TTC7A: variants seen among roughly 807,000 people sequenced by gnomAD.
The protein encoded by TTC7A is tetratricopeptide repeat domain 7A, also known as tetratricopeptide repeat protein 7A.
Under a neutral mutation model 103.7 loss-of-function variants are expected in TTC7A, and 110 were observed. The observed-to-expected ratio is 1.06, with a 90% CI of 0.91 to 1.24. The LOEUF (loss-of-function observed/expected upper bound fraction) is 1.24, where lower values mean the gene tolerates loss of function less well. TTC7A is among the 50% of genes most tolerant of loss of function. The pLI, the probability that TTC7A is intolerant of heterozygous loss-of-function variation, is 0.00. For synonymous variants in TTC7A, 521 were observed against 467.9 expected, an observed-to-expected ratio of 1.11 and a Z score of -1.47; for missense variants, 1,340 against 1,116.3, an observed-to-expected ratio of 1.20 and a Z score of -2.86.
At chr2:47,049,692 A>G (rs777792831) in intron 16 of TTC7A, among the ~76,000 whole-genome samples, 1 of 151,964 alleles carries the variant, frequency 6.6e-6, no homozygotes, top group Non-Finnish European at 1.5e-5. Context: ...ACTTCAGAGA[A>G]GATAGTAGGG....
intron 14 of TTC7A, among the ~76,000 whole-genome samples, chr2:47,027,198 T>C (rs535936700): frequency 6.6e-6 from 1 of 152,282 alleles, no homozygotes; most frequent in African/African-American, 2.4e-5. Context: ...GGGAGAGGAT[T>C]CCCTGCATCC....
intron 11 of TTC7A, among the ~76,000 whole-genome samples, chr2:47,018,868 A>G (rs1039380807): frequency 5.9e-5 from 9 of 152,158 alleles, no homozygotes; most frequent in African/African-American, 2.2e-4. Flanking sequence ...GACTTGCCCA[A>G]GGTTAGCAAG....
chr2:47,056,765 A>T lies in TTC7A; in HGVS notation c.2153-4004A>T, dbSNP rs552883486. ...AAGAGGAGGAAAACCGGAGACAGAC[A>T]AGCAAGAGAAGAGGTCAGGGGGTAG... On this transcript the variant is annotated intron_variant, in intron 18 of 19. Transcript: ENST00000319190. Among the ~76,000 whole-genome samples, 3 of 152,308 alleles carry T rather than the reference A, an allele frequency of 2.0e-5. No individual in the cohort carries two copies. The East Asian group carries it at 5.8e-4, about 29-fold the overall frequency.
At chr2:47,063,181 G>C (rs1014680083) in intron 19 of TTC7A, among the ~76,000 whole-genome samples, 1 of 152,232 alleles carries the variant, frequency 6.6e-6, no homozygotes, top group African/African-American at 2.4e-5. Flanking sequence ...TGATCCACTT[G>C]GGGGACTTAG....
chr2:46,975,173 A>C (rs1194927551), intron 4 of TTC7A, 70 bp downstream of exon 4: 2 of 1,586,184 alleles, frequency 1.3e-6, no homozygotes, highest in Non-Finnish European at 1.7e-6. Flanking sequence ...ATCCCACTAA[A>C]CCCATAGGTC....
rs112221598 is a variant in TTC7A at position 46,944,837 on chromosome 2, A to G, written c.184+3112A>G. Among the ~76,000 whole-genome samples the G allele has an allele frequency of 1.1e-3, 171 of 152,268 alleles. 1 individual carries two copies. Among genetic ancestry groups the G allele is most frequent in the African/African-American group, 3.8e-3 (159 of 41,562 alleles). ...ATTTCAGGCATGAGCCACCACACCTAGCAATAAGAACTCTTTTTGAAAATA... is the reference window on the plus strand; with the variant it reads ...ATTTCAGGCATGAGCCACCACACCTGGCAATAAGAACTCTTTTTGAAAATA... On this transcript the variant is annotated intron_variant, in intron 1 of 19. Coordinates refer to ENST00000319190, the MANE Select transcript of TTC7A (RefSeq NM_020458.4).
intron 14 of TTC7A, among the ~76,000 whole-genome samples, chr2:47,026,005 A>T (rs1021481976): frequency 6.6e-6 from 1 of 152,206 alleles, no homozygotes. Flanking sequence ...TCAGTTATTC[A>T]TCCCTCTCTG....
intron 2 of TTC7A, among the ~76,000 whole-genome samples, chr2:46,930,320 C>T (rs1207015285): frequency 6.6e-6 from 1 of 150,946 alleles, no homozygotes; most frequent in Non-Finnish European, 1.5e-5. Context: ...AATATGAATA[C>T]CAGTAATGAA....
Position 46,950,525 on chromosome 2 carries a change from C to T in TTC7A, c.347C>T (p.Ser116Leu), listed in dbSNP as rs115234247. Residue 116 changes from serine (S) to leucine (L), a missense_variant and splice_region_variant, in exon 2 of 20, where the codon TCG becomes TTG. Ser to Leu is a moderately radical substitution (Grantham distance 145, BLOSUM62 -2). Coordinates refer to ENST00000319190, the MANE Select transcript of TTC7A (RefSeq NM_020458.4). The stretch of plus-strand genomic sequence containing the variant: ...AGTATCCTTAACCATGGGAGGCTCT[C>T]GGTAAGTCGTCAGCCTTCAAGCCTG... ...LSSILNHGRL[S>L]PQYMCEAMLI... is the part of the protein sequence containing the mutation. 290 of 1,613,884 alleles carry T rather than the reference C, an allele frequency of 1.8e-4. No homozygotes were observed. The African/African-American group carries it at 2.7e-3, about 15-fold the overall frequency.
intron 18 of TTC7A, among the ~76,000 whole-genome samples, chr2:47,059,834 C>A (rs1445976474): frequency 6.6e-6 from 1 of 152,124 alleles, no homozygotes; most frequent in Non-Finnish European, 1.5e-5. Context: ...CCCTCTGTGC[C>A]CAGTTTTTGC....
chr2:47,043,054 C>T (rs541100360), intron 15 of TTC7A, among the ~76,000 whole-genome samples: 148 of 152,332 alleles, frequency 9.7e-4, no homozygotes, highest in African/African-American at 3.3e-3. Context: ...CCAGTCCTGA[C>T]GGCATGCCAG....
At chr2:46,989,717 G>C (rs920265711) in intron 5 of TTC7A, among the ~76,000 whole-genome samples, 17 of 151,922 alleles carry the variant, frequency 1.1e-4, no homozygotes, top group African/African-American at 3.9e-4. Flanking sequence ...ATTCCTGGGA[G>C]CTTACATGCT....
Position 47,005,961 on chromosome 2 carries a change from G to A in TTC7A, c.1105G>A (p.Glu369Lys). 1 of 1,614,150 alleles carries A rather than the reference G, an allele frequency of 6.2e-7. No individual in the cohort carries two copies. The highest frequency in any genetic ancestry group is 8.5e-7 in the Non-Finnish European group (1 of 1,180,034). Residue 369 changes from glutamate (E) to lysine (K), a missense_variant, in exon 9 of 20, where the codon GAG (glutamate) becomes AAG (lysine). By Grantham distance (56) the Glu-to-Lys change is moderately conservative (BLOSUM62 1). Transcript: ENST00000319190. ...GGTGCTGAGCCGGGTGCCGGAGCAG[G>A]AGGAGGACCGGACAGTGAGCTTGCA... is the stretch of plus-strand genomic sequence containing the variant. The part of the protein sequence containing the change: ...DVVLSRVPEQ[E>K]EDRTVSLQNA...
chr2:47,060,396 A>C (rs1683670601), intron 18 of TTC7A, among the ~76,000 whole-genome samples: 1 of 151,996 alleles, frequency 6.6e-6, no homozygotes, highest in Non-Finnish European at 1.5e-5. Flanking sequence ...TTTTTTTTAA[A>C]AAAAAGGCTG....
intron 2 of TTC7A, among the ~76,000 whole-genome samples, chr2:46,934,704 CAAAA>C (rs1316190613): frequency 2.0e-5 from 3 of 148,568 alleles, no homozygotes; most frequent in Admixed American, 2.0e-4. Context: ...AACAAACAAA[CAAAA>C]AAACCCGCAC....
intron 2 of TTC7A, among the ~76,000 whole-genome samples, chr2:46,928,841 G>A (rs1191711582): frequency 2.0e-5 from 3 of 151,770 alleles, no homozygotes; most frequent in African/African-American, 7.2e-5. Flanking sequence ...CACCAGAGGG[G>A]TAGGGGGGGA....
chr2:46,985,250 C>T (rs972462573), intron 5 of TTC7A, among the ~76,000 whole-genome samples: 4 of 152,126 alleles, frequency 2.6e-5, no homozygotes, highest in African/African-American at 9.7e-5. Flanking sequence ...GATCCTGGCT[C>T]CACCCTGCCC....
chr2:47,073,320 G>A lies in TTC7A; in HGVS notation c.2356-382G>A, dbSNP rs996464598. 4.6e-5 allele frequency among the ~76,000 whole-genome samples: 7 copies of A among 152,062 alleles called. No homozygotes were observed. In the East Asian group the frequency reaches 1.2e-3, roughly 25 times the overall value. ...CCTCCTGACTCCTTTCAACCTCACC[G>A]CGCTCTCGAGAGAGATGCTGTGATT... On this transcript the variant is annotated intron_variant, in intron 19 of 19. Coordinates refer to ENST00000319190, the MANE Select transcript of TTC7A (RefSeq NM_020458.4).
rs138777934 is a variant in TTC7A at position 46,989,241 on chromosome 2, G to A, written c.765-4209G>A. On this transcript the variant is annotated intron_variant, in intron 5 of 19. Coordinates refer to ENST00000319190, the MANE Select transcript of TTC7A (RefSeq NM_020458.4). Reference sequence around the variant, plus strand: ...AGGCTTTACTTGACTTGGAATAAATGGCTTCCTGGCTTCTCCCCACGCAGG... The same window carrying A: ...AGGCTTTACTTGACTTGGAATAAATAGCTTCCTGGCTTCTCCCCACGCAGG... 1.0e-3 allele frequency among the ~76,000 whole-genome samples: 152 copies of A among 152,360 alleles called. 1 individual carries two copies. Among genetic ancestry groups the A allele is most frequent in the African/African-American group, 3.5e-3 (144 of 41,588 alleles).
Sources: gnomAD v4.1 joint callset for allele counts (sites outside exome capture counted in the v4.1 genomes callset) on GRCh38, gnomAD v4.1.1 for gene constraint, MANE v1.5 for transcripts, NCBI Gene and HGNC (gene_info 2026-07-23, HGNC 2026-07-21) for gene names.